Variants in ABTB3 observed in about 807,000 individuals in gnomAD.
ABTB3 encodes the protein ankyrin repeat and BTB domain containing 3.
chr12:107,318,867 C>T, the ABTB3 span: 13 of 1,470,626 alleles, frequency 8.8e-6, no homozygotes, highest in Non-Finnish European at 1.2e-5. Flanking sequence ...CTCCCCGCGC[C>T]CCGCGGCACT....
the ABTB3 span, chr12:107,609,914 A>C: frequency 7.6e-6 from 3 of 397,194 alleles, no homozygotes; most frequent in Admixed American, 3.5e-5. Context: ...GCTTAGCAAG[A>C]GTGCCTAGTC....
the ABTB3 span, among the ~76,000 whole-genome samples, chr12:107,471,234 T>C: frequency 6.6e-6 from 1 of 152,172 alleles, no homozygotes; most frequent in Non-Finnish European, 1.5e-5. Context: ...TATTTCCCCA[T>C]TTTACAGATG....
the ABTB3 span, among the ~76,000 whole-genome samples, chr12:107,474,558 C>T: frequency 2.0e-5 from 3 of 152,006 alleles, no homozygotes; most frequent in African/African-American, 7.2e-5. Context: ...GTACCTGGGG[C>T]TGGACCATGG....
chr12:107,321,211 A>T, the ABTB3 span, among the ~76,000 whole-genome samples: 1 of 152,264 alleles, frequency 6.6e-6, no homozygotes, highest in East Asian at 1.9e-4. Context: ...GGCAGATTTC[A>T]TTCATGTTGC....
chr12:107,594,800 C>T, the ABTB3 span, among the ~76,000 whole-genome samples: 1 of 152,062 alleles, frequency 6.6e-6, no homozygotes, highest in Non-Finnish European at 1.5e-5. Context: ...TATTGTCATG[C>T]TTACAAAATC....
At chr12:107,321,952 C>T in the ABTB3 span, among the ~76,000 whole-genome samples, 1 of 152,186 alleles carries the variant, frequency 6.6e-6, no homozygotes, top group African/African-American at 2.4e-5. Flanking sequence ...CCCTGCCCTA[C>T]TTCTGCCTTT....
chr12:107,499,362 C>CTGTGTGTGTGTGTGTGTG, the ABTB3 span, among the ~76,000 whole-genome samples: 1 of 149,572 alleles, frequency 6.7e-6, no homozygotes, highest in African/African-American at 2.5e-5. Flanking sequence ...AAGAGGGAAG[C>CTGTGTGTGTGTGTGTGTG]TGTGTGTGTG....
the ABTB3 span, among the ~76,000 whole-genome samples, chr12:107,589,078 G>C: frequency 6.6e-6 from 1 of 152,180 alleles, no homozygotes; most frequent in African/African-American, 2.4e-5. Context: ...TCTGTAAAAT[G>C]AGGACAATAA....
chr12:107,539,422 C>CA, the ABTB3 span, among the ~76,000 whole-genome samples: 2 of 151,676 alleles, frequency 1.3e-5, no homozygotes, highest in Non-Finnish European at 1.5e-5. Flanking sequence ...GCTTAGCTTC[C>CA]TTTTTTTTTC....
chr12:107,593,848 G>C, the ABTB3 span, among the ~76,000 whole-genome samples: 26 of 152,154 alleles, frequency 1.7e-4, no homozygotes, highest in African/African-American at 5.8e-4. Flanking sequence ...TATCTAGTGG[G>C]AAGAGAGAAA....
At chr12:107,370,960 G>A in the ABTB3 span, among the ~76,000 whole-genome samples, 2 of 151,708 alleles carry the variant, frequency 1.3e-5, no homozygotes, top group Non-Finnish European at 2.9e-5. Context: ...CCTACTATAC[G>A]GCAGCCCTCA....
chr12:107,612,169 T>C, the ABTB3 span, among the ~76,000 whole-genome samples: 1 of 152,260 alleles, frequency 6.6e-6, no homozygotes, highest in African/African-American at 2.4e-5. Context: ...AAATCCATCC[T>C]TTCCTTCTGT....
chr12:107,366,403 G>A, the ABTB3 span, among the ~76,000 whole-genome samples: 1 of 152,230 alleles, frequency 6.6e-6, no homozygotes, highest in African/African-American at 2.4e-5. Context: ...GAAGAAAAAA[G>A]GAAGAAGAGA....
chr12:107,579,337 A>C, the ABTB3 span, among the ~76,000 whole-genome samples: 1 of 152,172 alleles, frequency 6.6e-6, no homozygotes, highest in African/African-American at 2.4e-5. Context: ...GAATGTCAAT[A>C]TCACATGGGG....
At chr12:107,466,176 G>T in the ABTB3 span, among the ~76,000 whole-genome samples, 3 of 152,086 alleles carry the variant, frequency 2.0e-5, no homozygotes, top group South Asian at 6.2e-4. Context: ...TAGGCTTAGG[G>T]CATGGGTGAG....
At chr12:107,577,231 A>G in the ABTB3 span, among the ~76,000 whole-genome samples, 1 of 152,196 alleles carries the variant, frequency 6.6e-6, no homozygotes, top group Non-Finnish European at 1.5e-5. Flanking sequence ...TTTACAGAAA[A>G]GGTTTGCTGA....
At chr12:107,586,962 AG>A in the ABTB3 span, among the ~76,000 whole-genome samples, 1 of 152,218 alleles carries the variant, frequency 6.6e-6, no homozygotes, top group Non-Finnish European at 1.5e-5. Context: ...CAGGTGGAGA[AG>A]GTGAAAATGG....
the ABTB3 span, among the ~76,000 whole-genome samples, chr12:107,467,235 G>C: frequency 1.3e-5 from 2 of 152,066 alleles, no homozygotes; most frequent in Non-Finnish European, 2.9e-5. Flanking sequence ...CCACCTAGCT[G>C]AGGTGGGCAA....
At chr12:107,644,518 G>A in the ABTB3 span, among the ~76,000 whole-genome samples, 29 of 152,192 alleles carry the variant, frequency 1.9e-4, no homozygotes, top group African/African-American at 6.8e-4. Flanking sequence ...AATACCTGGA[G>A]AAGGGTGGGG....
Sources: gnomAD v4.1 joint callset for allele counts (sites outside exome capture counted in the v4.1 genomes callset) on GRCh38, gnomAD v4.1.1 for gene constraint, MANE v1.5 for transcripts, NCBI Gene and HGNC (gene_info 2026-07-23, HGNC 2026-07-21) for gene names.